The following MOXD1 variants were observed in gnomAD, a reference collection of about 807,000 sequenced individuals.
The protein encoded by MOXD1 is DBH-like monooxygenase protein 1.
A neutral mutation model predicts 66.6 loss-of-function variants in MOXD1; 62 were observed. The observed-to-expected ratio is 0.93, with a 90% CI of 0.76 to 1.15. MOXD1 has a LOEUF of 1.15. Ranked by LOEUF, MOXD1 falls within the 50% of genes most tolerant of loss-of-function variation. MOXD1 has a pLI of 0.00. For missense variants in MOXD1, 847 were observed against 754.6 expected (o/e 1.12, Z -1.44); for synonymous variants, 303 against 281.9 (o/e 1.07, Z -0.75).
At chr6:132,299,759 A>G (rs941510738) in intron 10 of MOXD1, among the ~76,000 whole-genome samples, 1 of 152,176 alleles carries the variant, frequency 6.6e-6, no homozygotes, top group Non-Finnish European at 1.5e-5. Flanking sequence ...TATCATGGTG[A>G]CTAGAAAGTA....
chr6:132,317,170 C>T (rs747104829), intron 9 of MOXD1, among the ~76,000 whole-genome samples: 4 of 151,938 alleles, frequency 2.6e-5, no homozygotes, highest in Non-Finnish European at 5.9e-5. Flanking sequence ...AAAGCAACTG[C>T]CAACCAAGAA....
intron 10 of MOXD1, among the ~76,000 whole-genome samples, chr6:132,305,183 C>T (rs1774660317): frequency 1.3e-5 from 2 of 152,346 alleles, no homozygotes; most frequent in South Asian, 4.1e-4. Flanking sequence ...CTGCTGGAGC[C>T]AGAGAGGCTG....
intron 4 of MOXD1, among the ~76,000 whole-genome samples, chr6:132,359,390 A>C (rs946806625): frequency 6.6e-6 from 1 of 152,044 alleles, no homozygotes; most frequent in South Asian, 2.1e-4. Context: ...ACTTTAAAGA[A>C]CTAAATGGTT....
At chr6:132,359,740 C>T (rs1248635253) in intron 4 of MOXD1, among the ~76,000 whole-genome samples, 1 of 152,144 alleles carries the variant, frequency 6.6e-6, no homozygotes, top group African/African-American at 2.4e-5. Flanking sequence ...CCCGCCTCTG[C>T]CTCCCAAAGT....
Position 132,372,581 on chromosome 6 carries a change from A to T in MOXD1, c.663+27T>A, listed in dbSNP as rs577718019. The T allele has an allele frequency of 2.6e-6, 4 of 1,552,364 alleles. No homozygotes were observed. In the South Asian group the frequency reaches 4.5e-5, roughly 17 times the overall value. On this transcript the variant is annotated intron_variant, in intron 4 of 11. Coordinates refer to ENST00000367963, the MANE Select transcript of MOXD1 (RefSeq NM_015529.4). Reference sequence around the variant, plus strand: ...TTTATTTTTCCACTCATGAAAATTAATTTTAGCCTATGAATGAGTCACATA... The same window carrying T: ...TTTATTTTTCCACTCATGAAAATTATTTTTAGCCTATGAATGAGTCACATA...
intron 4 of MOXD1, among the ~76,000 whole-genome samples, chr6:132,366,079 G>C (rs969322231): frequency 6.6e-6 from 1 of 152,074 alleles, no homozygotes; most frequent in Non-Finnish European, 1.5e-5. Context: ...ATCAATTGAT[G>C]ACAAAACCCA....
In MOXD1 at chr6:132,322,828, C is replaced by T; in HGVS notation, c.1156G>A (p.Val386Ile). 1.2e-6 allele frequency: 2 copies of T among 1,613,880 alleles called. No homozygotes were observed. Among genetic ancestry groups the T allele is most frequent in the Non-Finnish European group, 1.7e-6 (2 of 1,179,900 alleles). Residue 386 changes from valine to isoleucine, a missense_variant, in exon 8 of 12, where the codon GTT (valine) becomes ATT (isoleucine). Coordinates refer to ENST00000367963, the MANE Select transcript of MOXD1 (RefSeq NM_015529.4). ...EKPSGIHVFA[V>I]LLHAHLAGRG... ...CCAGCCAGGTGAGCATGGAGAAGAA[C>T]AGCAAACACATGAATTCCACTTGGC... is the stretch of plus-strand genomic sequence containing the variant.
At chr6:132,334,412 A>G (rs6909136) in intron 4 of MOXD1, among the ~76,000 whole-genome samples, 57,623 of 152,038 alleles carry the variant, frequency 0.38, 15,142 homozygotes, top group African/African-American at 0.75. Flanking sequence ...TTTCTCCTGG[A>G]AGGTCACTGA....
chr6:132,344,876 C>T (rs1275321407), intron 4 of MOXD1, among the ~76,000 whole-genome samples: 3 of 152,162 alleles, frequency 2.0e-5, no homozygotes, highest in Non-Finnish European at 4.4e-5. Flanking sequence ...TTTCATCACT[C>T]AGTAAAACTC....
intron 4 of MOXD1, among the ~76,000 whole-genome samples, chr6:132,342,316 C>A (rs1195202463): frequency 1.3e-5 from 2 of 152,116 alleles, no homozygotes; most frequent in Admixed American, 1.3e-4. Flanking sequence ...AACTTTTAAT[C>A]TATTACAAAA....
rs1774446094 is a variant in MOXD1, at chr6:132,297,887, T to G, written c.1577A>C (p.Lys526Thr). 4 of 1,613,360 alleles carry G rather than the reference T, an allele frequency of 2.5e-6. No individual in the cohort carries two copies. The highest frequency in any genetic ancestry group is 1.1e-5 in the South Asian group (1 of 90,990). Residue 526 changes from lysine (K) to threonine (T), a missense_variant, in exon 11 of 12, where the codon AAG becomes ACG. Coordinates refer to ENST00000367963, the MANE Select transcript of MOXD1 (RefSeq NM_015529.4). Reference sequence around the variant, plus strand: ...ACCTTCCTTTTTAGTCCATTTAAACTTATTCATAGCATCCATGAAAGAAAG... The same window carrying G: ...ACCTTCCTTTTTAGTCCATTTAAACGTATTCATAGCATCCATGAAAGAAAG... ...KNLSFMDAMN[K>T]FKWTKKEGLS...
chr6:132,333,339 A>AAAC (rs1775366371), intron 4 of MOXD1, among the ~76,000 whole-genome samples: 1 of 144,540 alleles, frequency 6.9e-6, no homozygotes, highest in African/African-American at 2.8e-5. Context: ...CCGTCTCAAA[A>AAAC]AAAAAAAAAA....
intron 5 of MOXD1, 27 bp from the exon 6 acceptor site, chr6:132,328,142 A>G (rs1424370755): frequency 6.3e-7 from 1 of 1,579,146 alleles, no homozygotes; most frequent in Admixed American, 1.7e-5. Context: ...CCATGAGACA[A>G]TGTCCTATGA....
rs141880693 is a variant in MOXD1 at position 132,395,694 on chromosome 6, C to A, written c.264+5469G>T. Among the ~76,000 whole-genome samples the A allele has an allele frequency of 3.4e-4, 51 of 152,156 alleles. No homozygotes were observed. In the East Asian group the frequency reaches 8.9e-3, roughly 26 times the overall value. ...AAAGGATGGGAAAAGAACTTCCATGCAAACAAAAATCAAAAGTGAGCATGA... is the reference window on the plus strand; with the variant it reads ...AAAGGATGGGAAAAGAACTTCCATGAAAACAAAAATCAAAAGTGAGCATGA... On this transcript the variant is annotated intron_variant, in intron 1 of 11. Coordinates refer to ENST00000367963, the MANE Select transcript of MOXD1 (RefSeq NM_015529.4).
chr6:132,351,910 T>G (rs1775809574), intron 4 of MOXD1, among the ~76,000 whole-genome samples: 2 of 152,194 alleles, frequency 1.3e-5, no homozygotes, highest in Admixed American at 1.3e-4. Context: ...TTTTCTAGTT[T>G]ATGTGTATAA....
At chr6:132,391,899 A>G in intron 1 of MOXD1, 1 of 247,286 alleles carries the variant, frequency 4.0e-6, no homozygotes, top group Non-Finnish European at 7.7e-6. Context: ...GCTGAAGAGC[A>G]TCATCCTGTG....
At chr6:132,382,977 C>T (rs539964113) in intron 1 of MOXD1, among the ~76,000 whole-genome samples, 2 of 152,280 alleles carry the variant, frequency 1.3e-5, no homozygotes, top group South Asian at 2.1e-4. Context: ...GAAGTAAAAA[C>T]TCTTACGGGT....
At chr6:132,325,547 A>G (rs1417940670) in intron 6 of MOXD1, among the ~76,000 whole-genome samples, 1 of 152,208 alleles carries the variant, frequency 6.6e-6, no homozygotes, top group East Asian at 1.9e-4. Flanking sequence ...GACCCGTAAG[A>G]AGGCCCTCAT....
intron 4 of MOXD1, among the ~76,000 whole-genome samples, chr6:132,334,725 TCTATCCA>T (rs1356877746): frequency 6.6e-6 from 1 of 152,202 alleles, no homozygotes; most frequent in African/African-American, 2.4e-5. Context: ...GGAAAGCGTT[TCTATCCA>T]CTCTGTAGCT....
Sources: allele counts gnomAD v4.1 joint callset (sites outside exome capture counted in the v4.1 genomes callset), GRCh38; gene constraint gnomAD v4.1.1; transcripts MANE v1.5; gene names NCBI Gene and HGNC (gene_info 2026-07-23, HGNC 2026-07-21).